EPS15: variants seen among roughly 807,000 people sequenced by gnomAD.
EPS15 encodes the protein epidermal growth factor receptor substrate 15.
A neutral mutation model predicts 113.8 loss-of-function variants in EPS15; 72 were observed. The observed-to-expected ratio is 0.63, with a 90% CI of 0.52 to 0.77. The LOEUF (loss-of-function observed/expected upper bound fraction) is 0.77. EPS15 is among the 30% of genes least tolerant of loss of function. The pLI is 0.00. For synonymous variants in EPS15, 344 were observed against 363.4 expected (o/e 0.95, Z 0.61); for missense variants, 1,048 against 1,045.8 (o/e 1.00, Z -0.03).
At chr1:51,357,950 G>C (rs1646280199) in intron 24 of EPS15, among the ~76,000 whole-genome samples, 1 of 151,928 alleles carries the variant, frequency 6.6e-6, no homozygotes, top group Admixed American at 6.6e-5. Context: ...TGTTGGTTAG[G>C]CTGATCTCGA....
chr1:51,423,063 T>C, intron 12 of EPS15: 1 of 392,502 alleles, frequency 2.5e-6, no homozygotes, highest in Non-Finnish European at 4.2e-6. Context: ...CTTCTTGAGG[T>C]GAGATTTTAA....
At chr1:51,490,783 A>G (rs1183921113) in intron 1 of EPS15, among the ~76,000 whole-genome samples, 1 of 152,172 alleles carries the variant, frequency 6.6e-6, no homozygotes, top group Non-Finnish European at 1.5e-5. Context: ...GCTTACAGTT[A>G]CATGAACCCA....
chr1:51,358,066 G>A (rs942044642), intron 24 of EPS15, among the ~76,000 whole-genome samples: 14 of 152,210 alleles, frequency 9.2e-5, no homozygotes, highest in African/African-American at 3.4e-4. Flanking sequence ...TGTAATCCTA[G>A]TTCTGTGGGT....
In EPS15 at chr1:51,386,648, A is replaced by G. The variant is rs531516015; in HGVS notation, c.2119+7733T>C. Among the ~76,000 whole-genome samples, 6 of 152,288 alleles carry G rather than the reference A, an allele frequency of 3.9e-5. No individual in the cohort carries two copies. The East Asian group carries it at 9.7e-4, about 25-fold the overall frequency. On this transcript the variant is annotated intron_variant, in intron 21 of 24. Transcript: ENST00000371733. ...TGTACATCACCATCATCAAAGACCAAAAGTCGAGAACTACGTGAAGAATGC... is the reference window on the plus strand; with the variant it reads ...TGTACATCACCATCATCAAAGACCAGAAGTCGAGAACTACGTGAAGAATGC...
intron 23 of EPS15, among the ~76,000 whole-genome samples, chr1:51,363,064 G>A (rs899983489): frequency 3.9e-5 from 6 of 152,176 alleles, no homozygotes; most frequent in Admixed American, 2.6e-4. Flanking sequence ...TTGGGAGGCC[G>A]AGGTGGACAG....
At chr1:51,365,854 A>C in intron 22 of EPS15, 99 bp downstream of exon 22, 2 of 673,126 alleles carry the variant, frequency 3.0e-6, no homozygotes, top group Non-Finnish European at 5.0e-6. Context: ...ACTGAAATCA[A>C]GTTGCAACTT....
chr1:51,503,420 A>C (rs1335175997), intron 1 of EPS15, among the ~76,000 whole-genome samples: 1 of 152,082 alleles, frequency 6.6e-6, no homozygotes, highest in Non-Finnish European at 1.5e-5. Context: ...TGGATTACCT[A>C]AAGTCGGGAG....
intron 6 of EPS15, among the ~76,000 whole-genome samples, chr1:51,464,118 T>TA (rs1378012635): frequency 6.6e-6 from 1 of 152,204 alleles, no homozygotes; most frequent in Non-Finnish European, 1.5e-5. Flanking sequence ...GAAGAACATC[T>TA]AGTCCAACCC....
At chr1:51,388,798 A>G (rs1299049285) in intron 21 of EPS15, among the ~76,000 whole-genome samples, 2 of 152,190 alleles carry the variant, frequency 1.3e-5, no homozygotes, top group African/African-American at 4.8e-5. Context: ...TAGACCAATA[A>G]CAGACTCTGA....
intron 2 of EPS15, among the ~76,000 whole-genome samples, chr1:51,476,876 T>C (rs990126888): frequency 2.0e-5 from 3 of 152,224 alleles, no homozygotes; most frequent in East Asian, 1.9e-4. Flanking sequence ...TTGAGGATTT[T>C]TGCATGGATG....
chr1:51,447,122 A>G lies in EPS15; in HGVS notation c.652-17T>C. ...TACAACCCACTACAGGGAGGAAAAAAAACAGTATTTCTGCCAAAATGAAAC... is the reference window on the plus strand; with the variant it reads ...TACAACCCACTACAGGGAGGAAAAAGAACAGTATTTCTGCCAAAATGAAAC... On this transcript the variant is annotated splice_polypyrimidine_tract_variant and intron_variant, in intron 9 of 24. Transcript: ENST00000371733. The G allele has an allele frequency of 6.3e-7, 1 of 1,580,738 alleles. No individual in the cohort carries two copies. Among genetic ancestry groups the G allele is most frequent in the Non-Finnish European group, 8.5e-7 (1 of 1,170,010 alleles).
chr1:51,436,998 T>C (rs1439460072), intron 12 of EPS15, among the ~76,000 whole-genome samples: 4 of 152,200 alleles, frequency 2.6e-5, no homozygotes, highest in African/African-American at 7.2e-5. Context: ...CTGTATTGCT[T>C]TTCCTTAAGT....
chr1:51,430,147 C>T (rs939495601), intron 12 of EPS15, among the ~76,000 whole-genome samples: 1 of 152,156 alleles, frequency 6.6e-6, no homozygotes, highest in Non-Finnish European at 1.5e-5. Context: ...AACACCCTGA[C>T]TCTGCTTATC....
intron 21 of EPS15, among the ~76,000 whole-genome samples, chr1:51,376,006 T>C (rs1356633087): frequency 6.6e-5 from 10 of 152,374 alleles, no homozygotes; most frequent in African/African-American, 2.2e-4. Flanking sequence ...CTAGCTTAGA[T>C]AATTGATCTA....
At chr1:51,381,185 C>A (rs1646932081) in intron 21 of EPS15, among the ~76,000 whole-genome samples, 1 of 152,200 alleles carries the variant, frequency 6.6e-6, no homozygotes, top group Non-Finnish European at 1.5e-5. Flanking sequence ...ACACTCCACC[C>A]AACAATAGCA....
intron 16 of EPS15, among the ~76,000 whole-genome samples, chr1:51,404,581 G>C (rs565281730): frequency 3.3e-5 from 5 of 151,874 alleles, no homozygotes; most frequent in Non-Finnish European, 5.9e-5. Context: ...TCCCTTCTAC[G>C]GGTACAGTCT....
chr1:51,394,359 A>G (rs778249897), intron 21 of EPS15, 22 bp downstream of exon 21: 1 of 1,508,736 alleles, frequency 6.6e-7, no homozygotes, highest in South Asian at 1.2e-5. Flanking sequence ...TGTTCAATGA[A>G]GTTGATAAAT....
At chr1:51,435,782 T>A (rs961088483) in intron 12 of EPS15, among the ~76,000 whole-genome samples, 1 of 152,112 alleles carries the variant, frequency 6.6e-6, no homozygotes, top group African/African-American at 2.4e-5. Context: ...ATTACTATAG[T>A]TAAACAGTAG....
At chr1:51,504,694 C>T (rs1335518537) in intron 1 of EPS15, among the ~76,000 whole-genome samples, 1 of 151,876 alleles carries the variant, frequency 6.6e-6, no homozygotes, top group East Asian at 1.9e-4. Flanking sequence ...AAATGAAAAT[C>T]GAAAACACAA....
Sources: gnomAD v4.1 joint callset for allele counts (sites outside exome capture counted in the v4.1 genomes callset) on GRCh38, gnomAD v4.1.1 for gene constraint, MANE v1.5 for transcripts, NCBI Gene and HGNC (gene_info 2026-07-23, HGNC 2026-07-21) for gene names.